The following MBNL2 variants were observed in gnomAD, a reference collection of about 807,000 sequenced individuals.
MBNL2 encodes muscleblind-like protein 2.
Under a neutral mutation model 41.9 loss-of-function variants are expected in MBNL2, and 17 were observed. The ratio of observed to expected loss-of-function variants is 0.41; its 90% CI spans 0.28 to 0.61. The LOEUF is 0.61. Ranked by LOEUF, MBNL2 falls within the 20% of genes least tolerant of loss-of-function variation. The probability of loss-of-function intolerance (pLI) is 0.35; values close to 1 mark genes in which losing one functional copy is unlikely to be tolerated. For missense variants in MBNL2, 336 were observed against 505.6 expected, an observed-to-expected ratio of 0.66 and a Z score of 3.22; for synonymous variants, 195 against 182.9, an observed-to-expected ratio of 1.07 and a Z score of -0.53.
intron 2 of MBNL2, among the ~76,000 whole-genome samples, chr13:97,307,748 A>G (rs2058251506): frequency 1.3e-5 from 2 of 152,214 alleles, no homozygotes; most frequent in Admixed American, 6.5e-5. Flanking sequence ...AGATAAAATG[A>G]TCTCTTTCTT....
At chr13:97,174,532 AGC>A in the MBNL2 span, among the ~76,000 whole-genome samples, 1 of 152,272 alleles carries the variant, frequency 6.6e-6, no homozygotes, top group Non-Finnish European at 1.5e-5. Flanking sequence ...GAGGGAAAAG[AGC>A]TGAAAGCTAC....
In MBNL2 at chr13:97,362,487, G is replaced by A. The variant is rs145618366; in HGVS notation, c.1013-2649G>A. Among the ~76,000 whole-genome samples, 247 of 152,278 alleles carry A rather than the reference G, an allele frequency of 1.6e-3. 7 individuals carry two copies. In the East Asian group the frequency reaches 0.037, roughly 23 times the overall value. On this transcript the variant is annotated intron_variant, in intron 7 of 8. Coordinates refer to ENST00000679496, the MANE Select transcript of MBNL2 (RefSeq NM_001382683.1). ...TGGGGTGAAGATTATTCTAGGCCAA[G>A]GGGACAGCTTGTGGGAAGTTCAAAA...
chr13:97,206,354 A>G, the MBNL2 span, among the ~76,000 whole-genome samples: 2 of 151,850 alleles, frequency 1.3e-5, no homozygotes, highest in Non-Finnish European at 2.9e-5. Flanking sequence ...CACTTTTCAT[A>G]TATTAAGATC....
the MBNL2 span, among the ~76,000 whole-genome samples, chr13:97,163,827 G>A: frequency 6.6e-6 from 1 of 152,004 alleles, no homozygotes; most frequent in East Asian, 1.9e-4. Context: ...TTGGACACAG[G>A]GACACAAACA....
intron 2 of MBNL2, among the ~76,000 whole-genome samples, chr13:97,330,970 C>CACTT (rs1454374838): frequency 1.3e-5 from 2 of 152,038 alleles, no homozygotes; most frequent in Admixed American, 1.3e-4. Context: ...AAAATGTGGA[C>CACTT]ACTTACACAA....
At chr13:97,251,626 T>G (rs2046522521) in intron 1 of MBNL2, among the ~76,000 whole-genome samples, 1 of 152,228 alleles carries the variant, frequency 6.6e-6, no homozygotes, top group Non-Finnish European at 1.5e-5. Context: ...TTAGAAGGAC[T>G]TGTATGTCTA....
At chr13:97,303,954 C>T (rs1465994864) in intron 2 of MBNL2, among the ~76,000 whole-genome samples, 1 of 152,194 alleles carries the variant, frequency 6.6e-6, no homozygotes, top group Non-Finnish European at 1.5e-5. Flanking sequence ...TACACCGACT[C>T]TTTTGGTCAC....
chr13:97,168,115 G>A, the MBNL2 span, among the ~76,000 whole-genome samples: 1 of 152,042 alleles, frequency 6.6e-6, no homozygotes, highest in Non-Finnish European at 1.5e-5. Flanking sequence ...ACAGGCATGT[G>A]CCACCATGCC....
At chr13:97,159,583 G>T in the MBNL2 span, among the ~76,000 whole-genome samples, 3 of 151,758 alleles carry the variant, frequency 2.0e-5, no homozygotes, top group African/African-American at 7.3e-5. Flanking sequence ...CTCTTTTAGG[G>T]CAGGCCTGGT....
intron 2 of MBNL2, among the ~76,000 whole-genome samples, chr13:97,291,028 A>G (rs752495514): frequency 1.1e-4 from 17 of 152,096 alleles, no homozygotes; most frequent in Non-Finnish European, 2.1e-4. Flanking sequence ...TATGCTCAGC[A>G]CTAAGATTTG....
intron 2 of MBNL2, among the ~76,000 whole-genome samples, chr13:97,320,382 G>A (rs766951309): frequency 3.3e-5 from 5 of 150,760 alleles, no homozygotes; most frequent in Admixed American, 6.6e-5. Context: ...TCAGCCTCCC[G>A]AGTAGCTGGG....
At chr13:97,155,297 A>G in the MBNL2 span, among the ~76,000 whole-genome samples, 4 of 151,844 alleles carry the variant, frequency 2.6e-5, no homozygotes, top group Non-Finnish European at 5.9e-5. Flanking sequence ...AATTTTTTTT[A>G]GTCCCAAACC....
At chr13:97,179,109 T>C in the MBNL2 span, among the ~76,000 whole-genome samples, 2 of 152,056 alleles carry the variant, frequency 1.3e-5, no homozygotes, top group Non-Finnish European at 2.9e-5. Context: ...TCAACATGGA[T>C]CAGTCTCTCC....
Position 97,276,032 on chromosome 13 carries a change from A to G in MBNL2, c.-204A>G. ...CTTTTATTGCGGCCTACCATCTTTAAGTGGGACATATTGATTGATGAGTGA... is the reference window on the plus strand; with the variant it reads ...CTTTTATTGCGGCCTACCATCTTTAGGTGGGACATATTGATTGATGAGTGA... On this transcript the variant is annotated 5_prime_UTR_variant, in exon 2 of 9. Coordinates refer to ENST00000679496, the MANE Select transcript of MBNL2 (RefSeq NM_001382683.1). 1 of 484,170 alleles carries G rather than the reference A, an allele frequency of 2.1e-6. No homozygotes were observed. Among genetic ancestry groups the G allele is most frequent in the Non-Finnish European group, 3.7e-6 (1 of 273,540 alleles). The allele number at this position is 484,170 out of a possible 1,614,324, so 30.0% of individuals were successfully genotyped here.
At chr13:97,174,067 G>T in the MBNL2 span, among the ~76,000 whole-genome samples, 1 of 152,166 alleles carries the variant, frequency 6.6e-6, no homozygotes, top group South Asian at 2.1e-4. Flanking sequence ...TTTGTACAAA[G>T]CATCTGCAGT....
In MBNL2 at chr13:97,329,487, T is replaced by G. The variant is rs1426392014; in HGVS notation, c.175-4789T>G. ...GTGTGGCTTCTTCCTGCTTCACCTC[T>G]TCTCACTCCTCATGCTCCTCCCCAC... On this transcript the variant is annotated intron_variant, in intron 2 of 8. Transcript: ENST00000679496. Among the ~76,000 whole-genome samples the G allele has an allele frequency of 2.6e-5, 4 of 151,956 alleles. No homozygotes were observed. The South Asian group carries it at 6.2e-4, about 24-fold the overall frequency.
intron 8 of MBNL2, among the ~76,000 whole-genome samples, chr13:97,386,731 G>A (rs1029635753): frequency 5.3e-5 from 8 of 152,132 alleles, no homozygotes; most frequent in Non-Finnish European, 8.8e-5. Context: ...AACTAATCAG[G>A]TACTGGATTC....
chr13:97,390,860 GATAA>G (rs1453831053), intron 8 of MBNL2, among the ~76,000 whole-genome samples: 1 of 152,058 alleles, frequency 6.6e-6, no homozygotes, highest in Non-Finnish European at 1.5e-5. Context: ...CAAGTTAATA[GATAA>G]ATAATATCTG....
chr13:97,271,201 C>T (rs2050912520), intron 1 of MBNL2, among the ~76,000 whole-genome samples: 1 of 150,766 alleles, frequency 6.6e-6, no homozygotes, highest in Non-Finnish European at 1.5e-5. Context: ...CTGCAATCTC[C>T]ACCTCCTAGG....
Sources: allele counts gnomAD v4.1 joint callset (sites outside exome capture counted in the v4.1 genomes callset), GRCh38; gene constraint gnomAD v4.1.1; transcripts MANE v1.5; gene names NCBI Gene and HGNC (gene_info 2026-07-23, HGNC 2026-07-21).